COL19A1: variants seen among roughly 807,000 people sequenced by gnomAD.
COL19A1 encodes the protein collagen alpha-1(XIX) chain.
In COL19A1, 159 loss-of-function variants were observed where a neutral mutation model predicts 190.2. The observed-to-expected ratio is 0.84, with a 90% CI of 0.73 to 0.95. The LOEUF (loss-of-function observed/expected upper bound fraction) is 0.95. COL19A1 is among the 40% of genes least tolerant of loss of function. The pLI is 0.00. For synonymous variants in COL19A1, 509 were observed against 458.9 expected (o/e 1.11, Z -1.39); for missense variants, 1,418 against 1,431.9 (o/e 0.99, Z 0.16).
At chr6:70,076,916 C>A (rs1490994202) in intron 15 of COL19A1, among the ~76,000 whole-genome samples, 1 of 152,172 alleles carries the variant, frequency 6.6e-6, no homozygotes, top group Non-Finnish European at 1.5e-5. Flanking sequence ...CATATGTTTA[C>A]CATTGGAAAT....
At chr6:70,197,156 C>T (rs1234691991) in intron 48 of COL19A1, among the ~76,000 whole-genome samples, 1 of 151,912 alleles carries the variant, frequency 6.6e-6, no homozygotes, top group Non-Finnish European at 1.5e-5. Flanking sequence ...CTCAGTGGCT[C>T]ACGCCTGTAA....
chr6:69,867,247 GGCGGCGCGGGC>G (rs2149924996), intron 1 of COL19A1, among the ~76,000 whole-genome samples: 1 of 152,276 alleles, frequency 6.6e-6, no homozygotes, highest in Non-Finnish European at 1.5e-5. Flanking sequence ...GCTTCTGGGG[GGCGGCGCGGGC>G]GCGGGCGGGG....
intron 9 of COL19A1, among the ~76,000 whole-genome samples, chr6:69,946,286 A>G (rs1428568930): frequency 2.6e-5 from 4 of 152,038 alleles, no homozygotes; most frequent in Non-Finnish European, 5.9e-5. Flanking sequence ...TTACTAAGAG[A>G]ATGTATCCTT....
Position 69,936,851 on chromosome 6 carries a change from T to C in COL19A1, c.814T>C (p.Ser272Pro), listed in dbSNP as rs1192582715. The C allele has an allele frequency of 1.2e-6, 2 of 1,613,232 alleles. No homozygotes were observed. Among genetic ancestry groups the C allele is most frequent in the South Asian group, 1.1e-5 (1 of 91,068 alleles). Residue 272 changes from serine (S) to proline (P), a missense_variant, in exon 8 of 51, where the codon TCT (serine) becomes CCT (proline). Ser to Pro is a moderately conservative substitution (Grantham distance 74). Transcript: ENST00000620364. The part of the protein sequence containing the change: ...SWVTAHASKM[S>P]SYLPAKQELK... ...GGTAACTGCTCATGCCAGTAAAATG[T>C]CTTCATATCTGCCAGCAAAGCAGGA...
chr6:70,108,736 G>T (rs939002105), intron 16 of COL19A1, among the ~76,000 whole-genome samples: 3 of 151,962 alleles, frequency 2.0e-5, no homozygotes, highest in Non-Finnish European at 4.4e-5. Context: ...AAACTCTGCA[G>T]CATTAATTTT....
chr6:70,100,369 C>T (rs1409663472), intron 15 of COL19A1, among the ~76,000 whole-genome samples: 12 of 151,972 alleles, frequency 7.9e-5, no homozygotes, highest in Admixed American at 7.2e-4. Flanking sequence ...AACTGCAAGA[C>T]TAGAACATGG....
intron 13 of COL19A1, 41 bp from the exon 14 acceptor site, chr6:70,035,862 AG>A (rs1779325613): frequency 6.4e-7 from 1 of 1,552,208 alleles, no homozygotes; most frequent in African/African-American, 1.4e-5. Flanking sequence ...ATGTGCAAAA[AG>A]GGACTAGTGG....
intron 17 of COL19A1, among the ~76,000 whole-genome samples, chr6:70,126,146 T>C (rs763161085): frequency 7.2e-4 from 97 of 135,584 alleles, no homozygotes; most frequent in Non-Finnish European, 1.2e-3. Context: ...CTCCAAATTA[T>C]TGATCCAAAA....
chr6:70,045,538 G>A (rs1246376718), intron 14 of COL19A1, among the ~76,000 whole-genome samples: 1 of 152,118 alleles, frequency 6.6e-6, no homozygotes, highest in African/African-American at 2.4e-5. Flanking sequence ...AAGGCAGGCA[G>A]TTAAATTGGC....
chr6:69,916,596 C>T (rs1582385702), intron 4 of COL19A1, among the ~76,000 whole-genome samples: 1 of 152,238 alleles, frequency 6.6e-6, no homozygotes, highest in South Asian at 2.1e-4. Flanking sequence ...CTACTAGCCA[C>T]GTAGGATGTG....
intron 14 of COL19A1, among the ~76,000 whole-genome samples, chr6:70,051,073 T>G (rs2150132297): frequency 6.6e-6 from 1 of 152,252 alleles, no homozygotes; most frequent in South Asian, 2.1e-4. Flanking sequence ...AACTCTAAAA[T>G]TCTGTTATTT....
intron 11 of COL19A1, among the ~76,000 whole-genome samples, chr6:69,996,599 A>T (rs1292860319): frequency 2.0e-5 from 3 of 152,064 alleles, no homozygotes; most frequent in Admixed American, 6.6e-5. Context: ...CTATACATGT[A>T]TTTTTTTAAT....
intron 14 of COL19A1, among the ~76,000 whole-genome samples, chr6:70,055,805 AT>A (rs1780470842): frequency 7.0e-6 from 1 of 143,238 alleles, no homozygotes; most frequent in Non-Finnish European, 1.6e-5. Context: ...AAAAAAAAAA[AT>A]TCACATTTTA....
chr6:69,992,568 G>C (rs1487904552), intron 11 of COL19A1, among the ~76,000 whole-genome samples: 2 of 151,934 alleles, frequency 1.3e-5, no homozygotes, highest in African/African-American at 4.8e-5. Context: ...TAACAATATT[G>C]ATTTTTTCTA....
At chr6:69,969,579 A>G (rs992348204) in intron 11 of COL19A1, among the ~76,000 whole-genome samples, 1 of 152,264 alleles carries the variant, frequency 6.6e-6, no homozygotes, top group Non-Finnish European at 1.5e-5. Context: ...AACAAATAAT[A>G]CAAATAAAAA....
chr6:70,144,081 A>G (rs1422218475), intron 23 of COL19A1, 129 bp from the exon 24 acceptor site: 3 of 762,118 alleles, frequency 3.9e-6, no homozygotes, highest in South Asian at 4.4e-5. Flanking sequence ...GCCAAAATCA[A>G]TCCAACTCCT....
chr6:69,879,808 C>A, intron 2 of COL19A1, 150 bp downstream of exon 2: 2 of 700,940 alleles, frequency 2.9e-6, no homozygotes, highest in South Asian at 2.0e-5. Flanking sequence ...TTGATCTTCC[C>A]ATGATGCACA....
intron 4 of COL19A1, among the ~76,000 whole-genome samples, chr6:69,926,358 T>C (rs1259985421): frequency 2.0e-5 from 3 of 152,148 alleles, no homozygotes; most frequent in Non-Finnish European, 2.9e-5. Flanking sequence ...GTCTGCTATT[T>C]TAAATATACT....
intron 4 of COL19A1, among the ~76,000 whole-genome samples, chr6:69,912,701 C>T (rs1340704436): frequency 1.3e-5 from 2 of 152,010 alleles, no homozygotes; most frequent in African/African-American, 4.8e-5. Context: ...TCCCCTGGGC[C>T]CTGAGGCAGT....
Sources: allele counts gnomAD v4.1 joint callset (sites outside exome capture counted in the v4.1 genomes callset), GRCh38; gene constraint gnomAD v4.1.1; transcripts MANE v1.5; gene names NCBI Gene and HGNC (gene_info 2026-07-23, HGNC 2026-07-21).